The following FYTTD1 variants were observed in gnomAD, a reference collection of about 807,000 sequenced individuals.
FYTTD1 encodes forty-two-three domain containing 1.
In FYTTD1, 22 loss-of-function variants were observed where a neutral mutation model predicts 40.9. The ratio of observed to expected loss-of-function variants is 0.54; its 90% confidence interval spans 0.38 to 0.77. The LOEUF is 0.77. Among genes scored for constraint, FYTTD1 ranks in the 30% least tolerant of loss-of-function variants. The pLI, the probability that FYTTD1 is intolerant of heterozygous loss-of-function variation, is 0.00. For synonymous variants in FYTTD1, 140 were observed against 137.9 expected (o/e 1.01, Z -0.10); for missense variants, 351 against 392.2 (o/e 0.90, Z 0.89).
At chr3:197,752,401 A>C (rs1729086272) in intron 1 of FYTTD1, among the ~76,000 whole-genome samples, 1 of 152,326 alleles carries the variant, frequency 6.6e-6, no homozygotes, top group South Asian at 2.1e-4. Context: ...CAGAAGGCAT[A>C]TGTGAACTGC....
At chr3:197,778,493 G>A in intron 8 of FYTTD1, 29 bp downstream of exon 8, 2 of 1,516,178 alleles carry the variant, frequency 1.3e-6, no homozygotes, top group South Asian at 2.4e-5. Flanking sequence ...TATTTTCTTG[G>A]GTCATTTGCT....
At chr3:197,763,709 G>A (rs1375590289) in intron 2 of FYTTD1, 2 of 208,906 alleles carry the variant, frequency 9.6e-6, no homozygotes, top group Non-Finnish European at 2.0e-5. Flanking sequence ...TTTGTATGTT[G>A]CTTTGGAAAG....
intron 2 of FYTTD1, 94 bp from the exon 3 acceptor site, chr3:197,768,345 A>G (rs1729611305): frequency 1.3e-5 from 11 of 869,094 alleles, no homozygotes; most frequent in Admixed American, 2.7e-5. Flanking sequence ...ATAAATGTTC[A>G]TAAGTTCCCC....
intron 1 of FYTTD1, among the ~76,000 whole-genome samples, chr3:197,752,431 A>G (rs1729087023): frequency 1.3e-5 from 2 of 152,224 alleles, no homozygotes; most frequent in South Asian, 2.1e-4. Flanking sequence ...GACCTGGTAC[A>G]CAGCACTGTA....
intron 2 of FYTTD1, among the ~76,000 whole-genome samples, chr3:197,765,080 T>G (rs1729503683): frequency 3.3e-5 from 5 of 152,152 alleles, no homozygotes; most frequent in Admixed American, 3.3e-4. Flanking sequence ...CTCGAACTCC[T>G]GACCTCAAAT....
At position 197,782,043 on chromosome 3, in the gene FYTTD1, G is replaced by C; in HGVS notation, c.*134G>C. On this transcript the variant is annotated 3_prime_UTR_variant, in exon 9 of 9. Transcript: ENST00000241502. ...ATAACTCTTATTTTTATTTTTGAAG[G>C]TTTTTTTTTTTAAAAAAAAAAACGT... The C allele has an allele frequency of 2.8e-6, 1 of 354,326 alleles. No individual in the cohort carries two copies. Among genetic ancestry groups the C allele is most frequent in the Non-Finnish European group, 5.1e-6 (1 of 195,920 alleles). The allele number at this position is 354,326 out of a possible 1,614,324, so 21.9% of individuals were successfully genotyped here. A position where few individuals can be genotyped will look rare whatever the true frequency, so the allele number is the denominator to read the frequency against.
intron 2 of FYTTD1, among the ~76,000 whole-genome samples, chr3:197,757,742 T>C (rs1314230449): frequency 6.6e-6 from 1 of 152,142 alleles, no homozygotes; most frequent in African/African-American, 2.4e-5. Flanking sequence ...ACCACAGCAC[T>C]CCAGCATGAG....
At chr3:197,753,585 C>T (rs1239996886) in intron 1 of FYTTD1, among the ~76,000 whole-genome samples, 2 of 151,442 alleles carry the variant, frequency 1.3e-5, no homozygotes, top group African/African-American at 2.4e-5. Context: ...CAGGAGAAAG[C>T]CGTTTTCTTT....
At chr3:197,763,392 C>T (rs1244534263) in intron 2 of FYTTD1, 13 of 308,970 alleles carry the variant, frequency 4.2e-5, no homozygotes, top group Admixed American at 1.8e-4. Flanking sequence ...CCAGCCTGGG[C>T]GACAGAGTGA....
chr3:197,768,879 A>G (rs1366780392), intron 3 of FYTTD1, among the ~76,000 whole-genome samples: 2 of 151,418 alleles, frequency 1.3e-5, no homozygotes, highest in Non-Finnish European at 2.9e-5. Context: ...TGCAATGTCC[A>G]CCTCCCAGGT....
intron 8 of FYTTD1, among the ~76,000 whole-genome samples, chr3:197,779,142 C>T (rs942406742): frequency 2.0e-5 from 3 of 152,126 alleles, no homozygotes; most frequent in Admixed American, 6.5e-5. Flanking sequence ...CAACCAGGTG[C>T]GGTGGCTCAC....
At chr3:197,763,303 C>A (rs1729444174) in intron 2 of FYTTD1, among the ~76,000 whole-genome samples, 1 of 151,700 alleles carries the variant, frequency 6.6e-6, no homozygotes. Context: ...AATCCCAGCT[C>A]CTCGGGAGCC....
rs1730096231 is a variant in FYTTD1, at chr3:197,783,944, TTAAGTA to T, written c.*2039_*2044del. On this transcript the variant is annotated 3_prime_UTR_variant, in exon 9 of 9. Transcript: ENST00000241502. ...TTCTTCATGCATCTGTAATTTAATT[TTAAGTA>T]TAATGTTTTGCCTTTGGTACAACTA... 6.6e-6 allele frequency: 1 copy of T among 152,602 alleles called. No homozygotes were observed. Among genetic ancestry groups the T allele is most frequent in the South Asian group, 2.1e-4 (1 of 4,832 alleles). The allele number at this position is 152,602 out of a possible 1,614,324, so 9.5% of individuals were successfully genotyped here.
In FYTTD1 at chr3:197,756,278, A is replaced by G. The variant is rs1438553435; in HGVS notation, c.104-148A>G. ...GTAGATCTGCTTTGGGCTATTGTAA[A>G]ATGGCTGATTCTTGTTATTATCCTC... is the stretch of plus-strand genomic sequence containing the variant. On this transcript the variant is annotated intron_variant, in intron 1 of 8. Coordinates refer to ENST00000241502, the MANE Select transcript of FYTTD1 (RefSeq NM_032288.7). The G allele has an allele frequency of 4.6e-6, 3 of 652,486 alleles. No individual in the cohort carries two copies. The African/African-American group carries it at 5.5e-5, about 12-fold the overall frequency. 40.4% of individuals were successfully genotyped at this position (652,486 alleles called of 1,614,324 possible).
At chr3:197,760,222 T>TTG (rs1213663555) in intron 2 of FYTTD1, among the ~76,000 whole-genome samples, 8 of 152,178 alleles carry the variant, frequency 5.3e-5, no homozygotes, top group East Asian at 1.9e-4. Context: ...GTAGAACGTA[T>TTG]AGAATTGTTC....
chr3:197,755,060 T>C (rs985910140), intron 1 of FYTTD1, among the ~76,000 whole-genome samples: 1 of 152,198 alleles, frequency 6.6e-6, no homozygotes, highest in African/African-American at 2.4e-5. Flanking sequence ...CCTTGTTCTG[T>C]TGTGTATTTT....
At chr3:197,769,701 T>C (rs978982039) in intron 3 of FYTTD1, among the ~76,000 whole-genome samples, 3 of 152,198 alleles carry the variant, frequency 2.0e-5, no homozygotes, top group Non-Finnish European at 4.4e-5. Flanking sequence ...GCATTTGTTT[T>C]GGAACTTGGC....
At chr3:197,754,020 G>A (rs1729143339) in intron 1 of FYTTD1, among the ~76,000 whole-genome samples, 1 of 152,124 alleles carries the variant, frequency 6.6e-6, no homozygotes, top group African/African-American at 2.4e-5. Context: ...GATTACAGGC[G>A]TGAGCTACCG....
intron 2 of FYTTD1, among the ~76,000 whole-genome samples, chr3:197,762,270 A>G (rs1216912525): frequency 2.7e-5 from 4 of 145,604 alleles, no homozygotes; most frequent in African/African-American, 1.1e-4. Flanking sequence ...CACTGTTCTT[A>G]CTAAATATTT....
Sources: allele counts gnomAD v4.1 joint callset (sites outside exome capture counted in the v4.1 genomes callset), GRCh38; gene constraint gnomAD v4.1.1; transcripts MANE v1.5; gene names NCBI Gene and HGNC (gene_info 2026-07-23, HGNC 2026-07-21).